The following SEMA3E variants were observed in gnomAD, a reference collection of about 807,000 sequenced individuals.
The protein encoded by SEMA3E is semaphorin-3E.
Under a neutral mutation model 93.6 loss-of-function variants are expected in SEMA3E, and 49 were observed. The ratio of observed to expected loss-of-function variants is 0.52; its 90% CI spans 0.42 to 0.66. SEMA3E has a LOEUF of 0.66. SEMA3E is among the 30% of genes least tolerant of loss of function. The pLI, the probability that SEMA3E is intolerant of heterozygous loss-of-function variation, is 0.00. For missense variants in SEMA3E, 906 were observed against 964.8 expected, an observed-to-expected ratio of 0.94 and a Z score of 0.81; for synonymous variants, 363 against 330.7, an observed-to-expected ratio of 1.10 and a Z score of -1.06.
intron 2 of SEMA3E, among the ~76,000 whole-genome samples, chr7:83,475,328 C>T (rs1789987882): frequency 6.6e-6 from 1 of 152,096 alleles, no homozygotes; most frequent in Non-Finnish European, 1.5e-5. Context: ...TTCTCCATAG[C>T]GTTTTTATAC....
chr7:83,388,391 G>A (rs919107003), intron 14 of SEMA3E, among the ~76,000 whole-genome samples: 5 of 149,788 alleles, frequency 3.3e-5, no homozygotes, highest in African/African-American at 1.2e-4. Flanking sequence ...TAATATGTAA[G>A]CCTTTTTTCT....
chr7:83,419,111 A>G (rs1290577198), intron 4 of SEMA3E, among the ~76,000 whole-genome samples: 2 of 102,240 alleles, frequency 2.0e-5, no homozygotes, highest in African/African-American at 2.7e-5. Flanking sequence ...GCATGTACCT[A>G]ATATTTAGCT....
intron 1 of SEMA3E, among the ~76,000 whole-genome samples, chr7:83,560,832 A>G (rs1180415140): frequency 2.0e-5 from 3 of 152,006 alleles, no homozygotes; most frequent in Non-Finnish European, 4.4e-5. Context: ...AGGTTATCAT[A>G]CTTATCATAC....
intron 2 of SEMA3E, among the ~76,000 whole-genome samples, chr7:83,486,101 T>G (rs1790246226): frequency 6.6e-6 from 1 of 152,096 alleles, no homozygotes; most frequent in Non-Finnish European, 1.5e-5. Flanking sequence ...CAGGCTGATC[T>G]TAAACTCCTG....
intron 4 of SEMA3E, among the ~76,000 whole-genome samples, chr7:83,439,657 C>A (rs1269864288): frequency 6.6e-6 from 1 of 152,294 alleles, no homozygotes; most frequent in Non-Finnish European, 1.5e-5. Flanking sequence ...CAGTTACATA[C>A]TTGAAATGAG....
chr7:83,409,269 C>G (rs546123912), intron 5 of SEMA3E, among the ~76,000 whole-genome samples: 2 of 152,050 alleles, frequency 1.3e-5, no homozygotes, highest in East Asian at 1.9e-4. Flanking sequence ...AACTTGAACT[C>G]CAGGAAGATC....
chr7:83,559,096 A>G (rs1293915704), intron 1 of SEMA3E, among the ~76,000 whole-genome samples: 1 of 152,108 alleles, frequency 6.6e-6, no homozygotes, highest in Non-Finnish European at 1.5e-5. Flanking sequence ...TGACTGGATC[A>G]ATTTTGATGT....
chr7:83,430,924 A>G (rs187198046), intron 4 of SEMA3E, among the ~76,000 whole-genome samples: 8 of 152,260 alleles, frequency 5.3e-5, no homozygotes, highest in Non-Finnish European at 8.8e-5. Context: ...TGGCCAAGGA[A>G]GAAATTTCAA....
At chr7:83,524,870 C>T (rs1188786946) in intron 1 of SEMA3E, among the ~76,000 whole-genome samples, 1 of 151,896 alleles carries the variant, frequency 6.6e-6, no homozygotes, top group Non-Finnish European at 1.5e-5. Flanking sequence ...TGCTTGGCAG[C>T]ACAGTGGACT....
intron 1 of SEMA3E, among the ~76,000 whole-genome samples, chr7:83,625,709 C>T (rs42008): frequency 0.28 from 42,799 of 151,602 alleles, 6,712 homozygotes; most frequent in South Asian, 0.35. Flanking sequence ...CTTTCTCTGG[C>T]ATGATTGCCC....
intron 1 of SEMA3E, among the ~76,000 whole-genome samples, chr7:83,589,415 T>A (rs181906673): frequency 3.3e-5 from 5 of 152,148 alleles, no homozygotes; most frequent in Admixed American, 3.3e-4. Flanking sequence ...TTCATAGATA[T>A]AACTTCAAAC....
At chr7:83,438,016 G>A (rs1022603995) in intron 4 of SEMA3E, among the ~76,000 whole-genome samples, 1 of 152,052 alleles carries the variant, frequency 6.6e-6, no homozygotes, top group African/African-American at 2.4e-5. Context: ...TATTCTGTGA[G>A]GCCACATCAG....
At chr7:83,587,985 T>C (rs533127225) in intron 1 of SEMA3E, among the ~76,000 whole-genome samples, 2 of 152,190 alleles carry the variant, frequency 1.3e-5, no homozygotes, top group Non-Finnish European at 1.5e-5. Context: ...AAATTAATTA[T>C]ATTTTGTGTA....
At position 83,493,037 on chromosome 7, in the gene SEMA3E, A is replaced by T. The variant is rs183472945; in HGVS notation, c.116-2763T>A. ...TTGAACAACCTCTTAACCTCTTTAG[A>T]CTGGATTCTTCACCTGTTAATCACC... On this transcript the variant is annotated intron_variant, in intron 1 of 16. Transcript: ENST00000643230. 7.9e-4 allele frequency among the ~76,000 whole-genome samples: 120 copies of T among 152,104 alleles called. 2 individuals are homozygous for T. The highest frequency in any genetic ancestry group is 3.4e-3 in the Middle Eastern group (1 of 294).
At chr7:83,504,812 G>A (rs559248198) in intron 1 of SEMA3E, among the ~76,000 whole-genome samples, 1 of 152,072 alleles carries the variant, frequency 6.6e-6, no homozygotes, top group Non-Finnish European at 1.5e-5. Context: ...TTCACAGAAA[G>A]GCTCTTATGT....
At chr7:83,620,921 T>C (rs1047814021) in intron 1 of SEMA3E, among the ~76,000 whole-genome samples, 6 of 152,128 alleles carry the variant, frequency 3.9e-5, no homozygotes, top group African/African-American at 1.4e-4. Flanking sequence ...AACATTCCCC[T>C]TGAAAACCAG....
intron 4 of SEMA3E, among the ~76,000 whole-genome samples, chr7:83,457,383 C>T (rs2057059270): frequency 1.3e-5 from 2 of 152,178 alleles, no homozygotes; most frequent in African/African-American, 2.4e-5. Flanking sequence ...GAAATAAATA[C>T]TGGACATCTG....
At position 83,479,005 on chromosome 7, in the gene SEMA3E, T is replaced by C. The variant is rs1790081458; in HGVS notation, c.277-9703A>G. On this transcript the variant is annotated intron_variant, in intron 2 of 16. Transcript: ENST00000643230. ...ACAATTCTAATTATTTATGCCCATA[T>C]TGAGAATCCACCAGTGACTCCTGCA... is the stretch of plus-strand genomic sequence containing the variant. Among the ~76,000 whole-genome samples, 4 of 152,232 alleles carry C rather than the reference T, an allele frequency of 2.6e-5. No individual in the cohort carries two copies. The South Asian group carries it at 6.2e-4, about 24-fold the overall frequency.
chr7:83,454,288 T>C (rs1249600826), intron 4 of SEMA3E, among the ~76,000 whole-genome samples: 3 of 134,280 alleles, frequency 2.2e-5, no homozygotes, highest in Admixed American at 7.8e-5. Flanking sequence ...TATATATATA[T>C]ATATATATAA....
Sources: gnomAD v4.1 joint callset for allele counts (sites outside exome capture counted in the v4.1 genomes callset) on GRCh38, gnomAD v4.1.1 for gene constraint, MANE v1.5 for transcripts, NCBI Gene and HGNC (gene_info 2026-07-23, HGNC 2026-07-21) for gene names.